GRM1: variants seen among roughly 807,000 people sequenced by gnomAD.
The protein encoded by GRM1 is metabotropic glutamate receptor 1.
GRM1 carries 33 observed loss-of-function variants against 90.9 expected under a neutral mutation model. That is an observed-to-expected ratio of 0.36 (90% CI 0.28 to 0.49). The LOEUF is 0.49. Ranked by LOEUF, GRM1 falls within the 20% of genes least tolerant of loss-of-function variation. The probability of loss-of-function intolerance (pLI) is 0.99; values close to 1 mark genes in which losing one functional copy is unlikely to be tolerated. For synonymous variants in GRM1, 700 were observed against 613.2 expected (o/e 1.14, Z -2.09); for missense variants, 1,190 against 1,534.3 (o/e 0.78, Z 3.75).
At chr6:146,272,841 A>T (rs1029130896) in intron 2 of GRM1, among the ~76,000 whole-genome samples, 1 of 152,210 alleles carries the variant, frequency 6.6e-6, no homozygotes, top group Non-Finnish European at 1.5e-5. Context: ...GATTGCAACC[A>T]TGAATGGAAT....
intron 5 of GRM1, among the ~76,000 whole-genome samples, chr6:146,379,441 C>A: frequency 6.6e-6 from 1 of 152,110 alleles, no homozygotes; most frequent in East Asian, 1.9e-4. Context: ...TTATTTCAAT[C>A]TCTGTTAAAT....
chr6:146,270,511 G>GA (rs938612818), intron 2 of GRM1, among the ~76,000 whole-genome samples: 2 of 151,992 alleles, frequency 1.3e-5, no homozygotes, highest in Non-Finnish European at 2.9e-5. Context: ...ACAAATATAG[G>GA]AAAAAAATCA....
At chr6:146,271,836 A>G (rs1237069190) in intron 2 of GRM1, among the ~76,000 whole-genome samples, 1 of 152,240 alleles carries the variant, frequency 6.6e-6, no homozygotes, top group Non-Finnish European at 1.5e-5. Flanking sequence ...TCACTCACCC[A>G]TTAGAAGAAT....
At chr6:146,152,738 T>G (rs1017098859) in intron 1 of GRM1, among the ~76,000 whole-genome samples, 1 of 152,216 alleles carries the variant, frequency 6.6e-6, no homozygotes, top group Non-Finnish European at 1.5e-5. Flanking sequence ...CTAACATTTC[T>G]TGGCAACTCT....
chr6:146,153,429 G>A (rs1454737253), intron 1 of GRM1, among the ~76,000 whole-genome samples: 3 of 152,172 alleles, frequency 2.0e-5, no homozygotes, highest in Admixed American at 6.5e-5. Flanking sequence ...TTGATAAAAG[G>A]ACAAGTTCTT....
chr6:146,389,164 A>G (rs1776620766), intron 6 of GRM1, among the ~76,000 whole-genome samples: 1 of 152,020 alleles, frequency 6.6e-6, no homozygotes, highest in African/African-American at 2.4e-5. Flanking sequence ...GCTGGGGTTT[A>G]CTGACAGTCA....
At chr6:146,069,229 T>C (rs1029323303) in intron 1 of GRM1, among the ~76,000 whole-genome samples, 1 of 152,176 alleles carries the variant, frequency 6.6e-6, no homozygotes, top group African/African-American at 2.4e-5. Flanking sequence ...TTGGGAGACC[T>C]TGATCCTGTA....
At chr6:146,337,722 A>C (rs1285824662) in intron 3 of GRM1, among the ~76,000 whole-genome samples, 2 of 152,224 alleles carry the variant, frequency 1.3e-5, no homozygotes, top group African/African-American at 2.4e-5. Context: ...TATTTACAGG[A>C]AATTAACAAA....
chr6:146,166,830 G>A (rs1371313265), intron 2 of GRM1, among the ~76,000 whole-genome samples: 2 of 151,996 alleles, frequency 1.3e-5, no homozygotes, highest in African/African-American at 2.4e-5. Flanking sequence ...AAACTGGGGA[G>A]GTTTTAAAAA....
chr6:146,078,938 G>T (rs141789735), intron 1 of GRM1, among the ~76,000 whole-genome samples: 3 of 152,138 alleles, frequency 2.0e-5, no homozygotes, highest in Admixed American at 1.3e-4. Context: ...TGAAGGGTGG[G>T]GGAGAATGGA....
chr6:146,118,744 T>A (rs1775861038), intron 1 of GRM1, among the ~76,000 whole-genome samples: 1 of 152,226 alleles, frequency 6.6e-6, no homozygotes, highest in Non-Finnish European at 1.5e-5. Flanking sequence ...TCCAGCTTCA[T>A]CCATGTCCCT....
At position 146,399,161 on chromosome 6, in the gene GRM1, A is replaced by T. The variant is rs1392885007; in HGVS notation, c.2122A>T (p.Ile708Phe). The T allele has an allele frequency of 5.6e-6, 9 of 1,613,936 alleles. No homozygotes were observed. The Admixed American group carries it at 1.5e-4, about 27-fold the overall frequency. ...PRFMSAWAQV[I>F]IASILISVQL... ...GTTCATGAGTGCCTGGGCTCAGGTGATCATTGCCTCAATTCTGATTAGTGT... is the reference window on the plus strand; with the variant it reads ...GTTCATGAGTGCCTGGGCTCAGGTGTTCATTGCCTCAATTCTGATTAGTGT... Residue 708 changes from isoleucine (I) to phenylalanine (F), a missense_variant, in exon 7 of 8, where the codon ATC (isoleucine) becomes TTC (phenylalanine). This residue lies in a region of GRM1 where 414 missense variants were observed against 598.4 expected (regional missense o/e 0.69). Transcript: ENST00000282753. This position sits in a 1 kb window ranked among gnomAD's most constrained non-coding sequence, Gnocchi z 5.4.
chr6:146,201,283 G>A (rs545627806), intron 2 of GRM1, among the ~76,000 whole-genome samples: 30 of 152,220 alleles, frequency 2.0e-4, no homozygotes, highest in African/African-American at 6.0e-4. Flanking sequence ...TATTTTTACC[G>A]TATTTTAAAA....
rs1026751495 is a variant in GRM1 at position 146,399,946 on chromosome 6, G to T, written c.2660+247G>T. Among the ~76,000 whole-genome samples, 3 of 152,206 alleles carry T rather than the reference G, an allele frequency of 2.0e-5. No homozygotes were observed. The highest frequency in any genetic ancestry group is 7.2e-5 in the African/African-American group (3 of 41,452). ...TTTTCATTTCTTTGAAAGAAAAGGAGCAGGAAACAATCTTTATTCTTGCCT... is the reference window on the plus strand; with the variant it reads ...TTTTCATTTCTTTGAAAGAAAAGGATCAGGAAACAATCTTTATTCTTGCCT... On this transcript the variant is annotated intron_variant, in intron 7 of 7. Coordinates refer to ENST00000282753, the MANE Select transcript of GRM1 (RefSeq NM_001278064.2). This position sits in a 1 kb window ranked among gnomAD's most constrained non-coding sequence, Gnocchi z 5.4.
chr6:146,042,876 A>G (rs1342530178), intron 1 of GRM1, among the ~76,000 whole-genome samples: 19 of 152,036 alleles, frequency 1.2e-4, no homozygotes, highest in Non-Finnish European at 1.6e-4. Context: ...TACAAAGGCT[A>G]CTAGGTGCCC....
intron 1 of GRM1, among the ~76,000 whole-genome samples, chr6:146,066,151 A>G (rs901530014): frequency 4.6e-5 from 7 of 152,146 alleles, no homozygotes; most frequent in Non-Finnish European, 4.4e-5. Flanking sequence ...TTGGAGCACA[A>G]ATGAATCCGT....
intron 1 of GRM1, among the ~76,000 whole-genome samples, chr6:146,069,797 ATT>A (rs1775966784): frequency 3.9e-5 from 6 of 152,162 alleles, no homozygotes; most frequent in Middle Eastern, 6.3e-3. Context: ...CATCACCACT[ATT>A]TCTATGACCA....
intron 1 of GRM1, among the ~76,000 whole-genome samples, chr6:146,048,574 A>G (rs1791417280): frequency 6.6e-6 from 1 of 152,006 alleles, no homozygotes; most frequent in Admixed American, 6.6e-5. Flanking sequence ...CTAATACCTG[A>G]TATCTCATAA....
At chr6:146,027,986 C>G (rs1289229149), upstream of GRM1, among the ~76,000 whole-genome samples, 3 of 152,160 alleles carry the variant, frequency 2.0e-5, no homozygotes, top group African/African-American at 7.2e-5. Context: ...CCTGGGTTTT[C>G]TTTCTCCTTT....
Sources: allele counts gnomAD v4.1 joint callset (sites outside exome capture counted in the v4.1 genomes callset), GRCh38; gene constraint gnomAD v4.1.1; regional missense constraint gnomAD v4.1.1; non-coding constraint Gnocchi (gnomAD v3.1); transcripts MANE v1.5; gene names NCBI Gene and HGNC (gene_info 2026-07-23, HGNC 2026-07-21).